LPP: variants seen among roughly 807,000 people sequenced by gnomAD.
LPP encodes the protein LIM domain containing preferred translocation partner in lipoma.
In LPP, 38 loss-of-function variants were observed where a neutral mutation model predicts 60.4. That is an observed-to-expected ratio of 0.63 (90% CI 0.49 to 0.83). The LOEUF is 0.83. Ranked by LOEUF, LPP falls within the 40% of genes least tolerant of loss-of-function variation. The probability of loss-of-function intolerance (pLI) is 0.00; values close to 1 mark genes in which losing one functional copy is unlikely to be tolerated. For synonymous variants in LPP, 328 were observed against 290.8 expected, an observed-to-expected ratio of 1.13 and a Z score of -1.30; for missense variants, 902 against 783.6, an observed-to-expected ratio of 1.15 and a Z score of -1.80.
At chr3:188,752,318 G>T (rs1006339966) in intron 8 of LPP, among the ~76,000 whole-genome samples, 3 of 152,200 alleles carry the variant, frequency 2.0e-5, no homozygotes, top group Admixed American at 2.0e-4. Flanking sequence ...TATCTAGTGA[G>T]TGCGTCTACT....
At chr3:188,403,643 T>A (rs1782749120) in intron 3 of LPP, among the ~76,000 whole-genome samples, 1 of 152,122 alleles carries the variant, frequency 6.6e-6, no homozygotes, top group African/African-American at 2.4e-5. Flanking sequence ...AATTGGCATT[T>A]CTCAGCCATG....
chr3:188,446,568 C>A (rs1270708411), intron 4 of LPP, among the ~76,000 whole-genome samples: 2 of 152,272 alleles, frequency 1.3e-5, no homozygotes, highest in Middle Eastern at 3.4e-3. Context: ...TAAACAATCT[C>A]CTTTTCTAAA....
intron 9 of LPP, among the ~76,000 whole-genome samples, chr3:188,835,607 A>G (rs191428661): frequency 1.3e-4 from 20 of 152,202 alleles, no homozygotes; most frequent in Admixed American, 1.3e-3. Context: ...TGACAGAGTG[A>G]GGCTCCATCT....
chr3:188,469,306 G>A (rs1162500783), intron 4 of LPP, among the ~76,000 whole-genome samples: 14 of 147,580 alleles, frequency 9.5e-5, no homozygotes, highest in African/African-American at 3.3e-4. Flanking sequence ...CTAGGCAGAC[G>A]GAATTGGGAT....
At chr3:188,420,947 T>C (rs541047471) in intron 4 of LPP, among the ~76,000 whole-genome samples, 42 of 152,292 alleles carry the variant, frequency 2.8e-4, no homozygotes, top group African/African-American at 9.6e-4. Context: ...ACATGTTGCC[T>C]GAGCTGTGCA....
At chr3:188,375,126 T>G (rs929537607) in intron 3 of LPP, among the ~76,000 whole-genome samples, 2 of 152,174 alleles carry the variant, frequency 1.3e-5, no homozygotes, top group African/African-American at 4.8e-5. Flanking sequence ...TTATTGAGGA[T>G]TTTTGCATCA....
chr3:188,345,244 G>A (rs1296537135), intron 3 of LPP, among the ~76,000 whole-genome samples: 4 of 152,170 alleles, frequency 2.6e-5, no homozygotes, highest in African/African-American at 9.7e-5. Flanking sequence ...TCAGCATGGG[G>A]ATGTGAGATG....
At chr3:188,518,004 A>C (rs1817874977) in intron 5 of LPP, among the ~76,000 whole-genome samples, 1 of 152,062 alleles carries the variant, frequency 6.6e-6, no homozygotes, top group Admixed American at 6.5e-5. Flanking sequence ...ACCATATGAC[A>C]TGCTGCCTCC....
chr3:188,657,082 C>A (rs1346764950), intron 7 of LPP, among the ~76,000 whole-genome samples: 1 of 151,770 alleles, frequency 6.6e-6, no homozygotes, highest in Non-Finnish European at 1.5e-5. Flanking sequence ...TGGCCCATTT[C>A]CATGGAACAT....
At chr3:188,673,968 T>A (rs1857467070) in intron 7 of LPP, among the ~76,000 whole-genome samples, 1 of 151,572 alleles carries the variant, frequency 6.6e-6, no homozygotes, top group African/African-American at 2.4e-5. Flanking sequence ...ACCCCCTGGG[T>A]CATTTGCATC....
At chr3:188,525,038 C>T (rs1283817186) in intron 6 of LPP, among the ~76,000 whole-genome samples, 3 of 143,930 alleles carry the variant, frequency 2.1e-5, no homozygotes, top group South Asian at 4.4e-4. Context: ...ACAATCTTGT[C>T]TCACTGCAAC....
chr3:188,333,415 C>A (rs368218135), intron 2 of LPP, among the ~76,000 whole-genome samples: 20 of 152,176 alleles, frequency 1.3e-4, no homozygotes, highest in African/African-American at 4.6e-4. Context: ...ACTTGTCAAA[C>A]GAGAATATAC....
At chr3:188,795,443 T>A (rs1249411970) in intron 9 of LPP, among the ~76,000 whole-genome samples, 2 of 152,174 alleles carry the variant, frequency 1.3e-5, no homozygotes, top group Non-Finnish European at 2.9e-5. Flanking sequence ...AGCCTAGAGG[T>A]CCTATGCCAG....
Position 188,570,319 on chromosome 3 carries a change from A to G in LPP, c.430-38842A>G, listed in dbSNP as rs116146776. Among the ~76,000 whole-genome samples, 932 of 152,138 alleles carry G rather than the reference A, an allele frequency of 6.1e-3. 9 individuals are homozygous for G. Among genetic ancestry groups the G allele is most frequent in the African/African-American group, 0.021 (886 of 41,528 alleles). ...GTAGAAATCCTGATGTTTTTGGTGA[A>G]TGGCTTATGTTAAACTTCTCTCTCC... On this transcript the variant is annotated intron_variant, in intron 6 of 11. Transcript: ENST00000617246.
chr3:188,767,815 G>C (rs1025148702), intron 9 of LPP, among the ~76,000 whole-genome samples: 8 of 152,118 alleles, frequency 5.3e-5, no homozygotes. Flanking sequence ...CTCATTAATT[G>C]CAACAGGAAA....
In LPP at chr3:188,883,502, C is replaced by T. The variant is rs113366269; in HGVS notation, c.*9023C>T. 0.16 allele frequency: 28,714 copies of T among 183,978 alleles called. 3,394 individuals carry two copies. The highest frequency in any genetic ancestry group is 0.48 in the East Asian group (5,506 of 11,400). 11.4% of individuals were successfully genotyped at this position (183,978 alleles called of 1,614,324 possible). A position where few individuals can be genotyped will look rare whatever the true frequency, so the allele number is the denominator to read the frequency against. Reference sequence around the variant, plus strand: ...AATCCAGCACTTTGGGAGGCCGAGGCGAGCGGATCATGAGGTCAAGAGATC... The same window carrying T: ...AATCCAGCACTTTGGGAGGCCGAGGTGAGCGGATCATGAGGTCAAGAGATC... On this transcript the variant is annotated 3_prime_UTR_variant, in exon 12 of 12. Coordinates refer to ENST00000617246, the MANE Select transcript of LPP (RefSeq NM_001375462.1).
At chr3:188,203,988 T>G (rs1359115685) in intron 1 of LPP, among the ~76,000 whole-genome samples, 2 of 152,252 alleles carry the variant, frequency 1.3e-5, no homozygotes, top group Admixed American at 1.3e-4. Context: ...ATCTTCCTTT[T>G]TATCTTGATG....
chr3:188,872,521 C>T (rs1768378749), intron 10 of LPP, 122 bp from the exon 11 acceptor site: 1 of 1,059,364 alleles, frequency 9.4e-7, no homozygotes, highest in Non-Finnish European at 1.4e-6. Flanking sequence ...GTCTAACTCC[C>T]TCACCTTACG....
chr3:188,806,701 A>G (rs1417429720), intron 9 of LPP, among the ~76,000 whole-genome samples: 4 of 151,950 alleles, frequency 2.6e-5, no homozygotes, highest in Admixed American at 2.0e-4. Context: ...CTTGATTTTA[A>G]TGTTAGTATT....
Sources: gnomAD v4.1 joint callset for allele counts (sites outside exome capture counted in the v4.1 genomes callset) on GRCh38, gnomAD v4.1.1 for gene constraint, MANE v1.5 for transcripts, NCBI Gene and HGNC (gene_info 2026-07-23, HGNC 2026-07-21) for gene names.